Variants in CDK14 observed in about 807,000 individuals in gnomAD.
CDK14 encodes cyclin-dependent kinase 14.
In CDK14, 34 loss-of-function variants were observed where a neutral mutation model predicts 60.7. The ratio of observed to expected loss-of-function variants is 0.56; its 90% CI spans 0.43 to 0.75. The LOEUF (loss-of-function observed/expected upper bound fraction) is 0.75. Among genes scored for constraint, CDK14 ranks in the 30% least tolerant of loss-of-function variants. The probability of loss-of-function intolerance (pLI) is 0.00; values close to 1 mark genes in which losing one functional copy is unlikely to be tolerated. For synonymous variants in CDK14, 197 were observed against 203.7 expected, an observed-to-expected ratio of 0.97 and a Z score of 0.28; for missense variants, 482 against 564.1, an observed-to-expected ratio of 0.85 and a Z score of 1.47.
At chr7:91,034,670 C>T (rs1796862219) in intron 10 of CDK14, among the ~76,000 whole-genome samples, 1 of 152,154 alleles carries the variant, frequency 6.6e-6, no homozygotes, top group Non-Finnish European at 1.5e-5. Flanking sequence ...AGTGGCTCCC[C>T]CTGCTGTCTT....
At chr7:90,894,162 AT>A (rs1394153232) in intron 6 of CDK14, among the ~76,000 whole-genome samples, 1 of 152,194 alleles carries the variant, frequency 6.6e-6, no homozygotes, top group Non-Finnish European at 1.5e-5. Context: ...GTGCTGGACA[AT>A]GTTCTGAAAC....
chr7:90,660,471 C>CTTA (rs1330821272), intron 2 of CDK14, among the ~76,000 whole-genome samples: 1 of 152,166 alleles, frequency 6.6e-6, no homozygotes, highest in Non-Finnish European at 1.5e-5. Flanking sequence ...TATAAAAATG[C>CTTA]TTAGCTCTAT....
At chr7:91,141,983 G>A (rs769971885) in intron 14 of CDK14, among the ~76,000 whole-genome samples, 1 of 151,892 alleles carries the variant, frequency 6.6e-6, no homozygotes, top group African/African-American at 2.4e-5. Flanking sequence ...CCACCGTCAC[G>A]CCCGGCTAAA....
chr7:91,042,552 T>G (rs1315433704), intron 10 of CDK14, among the ~76,000 whole-genome samples: 1 of 152,074 alleles, frequency 6.6e-6, no homozygotes, highest in Admixed American at 6.6e-5. Flanking sequence ...AATAAAGAGC[T>G]GAACCAATAA....
intron 2 of CDK14, among the ~76,000 whole-genome samples, chr7:90,621,700 C>G (rs1027690499): frequency 2.0e-5 from 3 of 151,392 alleles, no homozygotes; most frequent in African/African-American, 7.3e-5. Flanking sequence ...TTCCTTCCTT[C>G]CTTCCTTTGC....
intron 2 of CDK14, chr7:90,710,391 A>C: frequency 2.0e-6 from 2 of 985,228 alleles, no homozygotes; most frequent in Non-Finnish European, 2.4e-6. Context: ...ACGAGAGACT[A>C]CTTTTTCCAT....
chr7:90,821,139 G>T (rs1489076681), intron 5 of CDK14, among the ~76,000 whole-genome samples: 1 of 152,082 alleles, frequency 6.6e-6, no homozygotes, highest in Non-Finnish European at 1.5e-5. Context: ...TCTACATTCT[G>T]CTGCTAGATT....
chr7:90,782,080 T>G (rs1352421549), intron 4 of CDK14, among the ~76,000 whole-genome samples: 1 of 152,138 alleles, frequency 6.6e-6, no homozygotes. Context: ...GTTTGTATCC[T>G]CTTTTATTTC....
chr7:91,178,550 A>G (rs803181), intron 14 of CDK14, among the ~76,000 whole-genome samples: 79,927 of 150,384 alleles, frequency 0.53, 21,965 homozygotes, highest in Middle Eastern at 0.6. Context: ...GAAAATTTTC[A>G]CAACCTACTC....
At chr7:90,664,991 C>T (rs2116514207) in intron 2 of CDK14, among the ~76,000 whole-genome samples, 1 of 152,036 alleles carries the variant, frequency 6.6e-6, no homozygotes, top group Admixed American at 6.5e-5. Flanking sequence ...ATTTAAAAAG[C>T]ACTCATTCGG....
At chr7:91,174,311 C>T (rs1373559335) in intron 14 of CDK14, among the ~76,000 whole-genome samples, 1 of 151,788 alleles carries the variant, frequency 6.6e-6, no homozygotes, top group Non-Finnish European at 1.5e-5. Flanking sequence ...ATCTGTACAT[C>T]ACCATCATCA....
At chr7:90,637,288 C>T (rs1049283276) in intron 2 of CDK14, among the ~76,000 whole-genome samples, 1 of 151,590 alleles carries the variant, frequency 6.6e-6, no homozygotes, top group East Asian at 1.9e-4. Flanking sequence ...ATAAATTTCC[C>T]TCTACACACT....
intron 3 of CDK14, among the ~76,000 whole-genome samples, chr7:90,732,428 T>C (rs745392967): frequency 1.3e-5 from 2 of 152,192 alleles, no homozygotes; most frequent in Non-Finnish European, 2.9e-5. Flanking sequence ...CCAGCTCCCC[T>C]TTGTACCTCT....
chr7:90,604,166 T>A, intron 1 of CDK14, 52 bp from the exon 2 acceptor site: 1 of 1,226,666 alleles, frequency 8.2e-7, no homozygotes, highest in Non-Finnish European at 1.2e-6. Context: ...TATAACTTAG[T>A]CTCTTTGGAA....
At chr7:90,762,168 C>G (rs1028283774) in intron 4 of CDK14, among the ~76,000 whole-genome samples, 4 of 152,118 alleles carry the variant, frequency 2.6e-5, no homozygotes, top group African/African-American at 9.7e-5. Context: ...GAGATGTCAC[C>G]AGGCAGGTAA....
intron 3 of CDK14, among the ~76,000 whole-genome samples, chr7:90,730,307 A>T (rs1156728158): frequency 6.6e-6 from 1 of 152,216 alleles, no homozygotes; most frequent in Non-Finnish European, 1.5e-5. Flanking sequence ...ACTATGCTGC[A>T]GTAAACATAC....
In CDK14 at chr7:90,630,757, G is replaced by A. The variant is rs529692850; in HGVS notation, c.123+26508G>A. 2.6e-5 allele frequency among the ~76,000 whole-genome samples: 4 copies of A among 152,108 alleles called. No individual in the cohort carries two copies. In the East Asian group the frequency reaches 5.8e-4, roughly 22 times the overall value. On this transcript the variant is annotated intron_variant, in intron 2 of 14. Transcript: ENST00000380050. Reference sequence around the variant, plus strand: ...TAAATTATCCAATAAAAATTGTTGAGAATATTCAGGTGAATTTTTTTTACT... The same window carrying A: ...TAAATTATCCAATAAAAATTGTTGAAAATATTCAGGTGAATTTTTTTTACT...
At chr7:91,150,926 A>G (rs960180099) in intron 14 of CDK14, among the ~76,000 whole-genome samples, 2 of 152,236 alleles carry the variant, frequency 1.3e-5, no homozygotes, top group Admixed American at 6.5e-5. Flanking sequence ...AGGTATTACT[A>G]TAATAAATAC....
intron 10 of CDK14, among the ~76,000 whole-genome samples, chr7:91,010,631 G>GT (rs943456049): frequency 2.6e-5 from 4 of 151,628 alleles, no homozygotes; most frequent in African/African-American, 4.8e-5. Flanking sequence ...TATTCTAGTT[G>GT]TTTTTTTGGT....
Sources: allele counts gnomAD v4.1 joint callset (sites outside exome capture counted in the v4.1 genomes callset), GRCh38; gene constraint gnomAD v4.1.1; transcripts MANE v1.5; gene names NCBI Gene and HGNC (gene_info 2026-07-23, HGNC 2026-07-21).